ALX1: variants seen among roughly 807,000 people sequenced by gnomAD.
ALX1 encodes the protein ALX homeobox protein 1.
In ALX1, 19 loss-of-function variants were observed where a neutral mutation model predicts 31.7. The ratio of observed to expected loss-of-function variants is 0.60; its 90% CI spans 0.42 to 0.88. ALX1 has a LOEUF of 0.88. ALX1 is among the 40% of genes least tolerant of loss of function. The probability of loss-of-function intolerance (pLI) is 0.00; values close to 1 mark genes in which losing one functional copy is unlikely to be tolerated. For synonymous variants in ALX1, 153 were observed against 148.8 expected, an observed-to-expected ratio of 1.03 and a Z score of -0.20; for missense variants, 415 against 407.8, an observed-to-expected ratio of 1.02 and a Z score of -0.15.
At position 85,286,947 on chromosome 12, in the gene ALX1, T is replaced by C; in HGVS notation, c.626T>C (p.Ile209Thr). The change falls in exon 3 of 4, where the codon ATA becomes ACA. Residue 209 changes from isoleucine to threonine, a missense_variant. This residue lies in a region of ALX1 where 174 missense variants were observed against 177.5 expected (regional missense o/e 0.98). Coordinates refer to ENST00000316824, the MANE Select transcript of ALX1 (RefSeq NM_006982.3). Reference protein sequence around the residue: ...AKSHFAATYDISVLPRTDSYP... With the variant: ...AKSHFAATYDTSVLPRTDSYP... ...AGCCATTTTGCTGCCACCTATGATA[T>C]ATCAGTTTTGCCAAGGACTGACAGC... is the stretch of plus-strand genomic sequence containing the variant. 6.2e-7 allele frequency: 1 copy of C among 1,612,220 alleles called. No individual in the cohort carries two copies. The highest frequency in any genetic ancestry group is 8.5e-7 in the Non-Finnish European group (1 of 1,178,596).
At chr12:85,280,549 C>T (rs1226665805) in intron 1 of ALX1, 62 bp downstream of exon 1, 3 of 1,548,432 alleles carry the variant, frequency 1.9e-6, no homozygotes, top group Non-Finnish European at 2.6e-6. Context: ...AATGCAGGAT[C>T]GGTCTGATCA....
Position 85,286,992 on chromosome 12 carries a change from C to T in ALX1, c.660+11C>T, listed in dbSNP as rs754715521. The T allele has an allele frequency of 6.2e-7, 1 of 1,611,440 alleles. No individual in the cohort carries two copies. The highest frequency in any genetic ancestry group is 1.7e-5 in the Admixed American group (1 of 59,940). On this transcript the variant is annotated intron_variant, in intron 3 of 3. Coordinates refer to ENST00000316824, the MANE Select transcript of ALX1 (RefSeq NM_006982.3). ...GACAGCTACCCACAGGTATGCTAAA[C>T]TACACAGAATACTGATCAAGAAAAG... is the stretch of plus-strand genomic sequence containing the variant.
intron 3 of ALX1, among the ~76,000 whole-genome samples, chr12:85,291,078 C>T (rs983159810): frequency 6.6e-6 from 1 of 150,990 alleles, no homozygotes; most frequent in Non-Finnish European, 1.5e-5. Context: ...CAAAAATAAT[C>T]AATTTTCAAT....
intron 2 of ALX1, among the ~76,000 whole-genome samples, chr12:85,285,631 T>A (rs930641274): frequency 6.6e-6 from 1 of 151,988 alleles, no homozygotes; most frequent in African/African-American, 2.4e-5. Context: ...TATTAATATG[T>A]TGCCATAATG....
At chr12:85,294,580 A>T (rs2137389334) in intron 3 of ALX1, among the ~76,000 whole-genome samples, 1 of 151,312 alleles carries the variant, frequency 6.6e-6, no homozygotes, top group South Asian at 2.1e-4. Flanking sequence ...TTGGACTTGG[A>T]GCATTTTTCA....
chr12:85,295,101 ACT>A (rs1479151211), intron 3 of ALX1, among the ~76,000 whole-genome samples: 9 of 151,328 alleles, frequency 5.9e-5, no homozygotes, highest in African/African-American at 2.2e-4. Context: ...CCTAAAAAAT[ACT>A]CAGATTAATC....
intron 3 of ALX1, among the ~76,000 whole-genome samples, chr12:85,295,144 TC>T (rs1463409183): frequency 1.3e-5 from 2 of 151,290 alleles, no homozygotes; most frequent in Non-Finnish European, 3.0e-5. Flanking sequence ...CAAGTTGGGA[TC>T]TTTTTTTTTC....
At chr12:85,289,621 GAAT>G (rs1419661006) in intron 3 of ALX1, among the ~76,000 whole-genome samples, 1 of 151,136 alleles carries the variant, frequency 6.6e-6, no homozygotes, top group Non-Finnish European at 1.5e-5. Context: ...TGCCAATCAT[GAAT>G]AATAATAAAA....
At chr12:85,297,659 T>C (rs954034030) in intron 3 of ALX1, among the ~76,000 whole-genome samples, 1 of 151,574 alleles carries the variant, frequency 6.6e-6, no homozygotes. Flanking sequence ...ACTCCAGTAG[T>C]GTTTCCTAAT....
chr12:85,295,297 T>C (rs1309791956), intron 3 of ALX1, among the ~76,000 whole-genome samples: 1 of 151,472 alleles, frequency 6.6e-6, no homozygotes, highest in Non-Finnish European at 1.5e-5. Flanking sequence ...AGTCAATAGC[T>C]AAAAATATCT....
chr12:85,297,092 A>G (rs143965662), intron 3 of ALX1, among the ~76,000 whole-genome samples: 151 of 151,778 alleles, frequency 9.9e-4, no homozygotes, highest in Middle Eastern at 6.8e-3. Flanking sequence ...ATATGAGAAT[A>G]TATTGGTGTA....
At position 85,283,824 on chromosome 12, in the gene ALX1, A is replaced by G; in HGVS notation, c.479A>G (p.Tyr160Cys). 2 of 1,614,150 alleles carry G rather than the reference A, an allele frequency of 1.2e-6. No individual in the cohort carries two copies. The highest frequency in any genetic ancestry group is 1.3e-5 in the African/African-American group (1 of 75,058). The part of the protein sequence containing the change: ...VFQKTHYPDV[Y>C]VREQLALRTE... ...CAGAAAACTCATTACCCGGATGTGTATGTCAGAGAACAGCTTGCTCTGAGG... is the reference window on the plus strand; with the variant it reads ...CAGAAAACTCATTACCCGGATGTGTGTGTCAGAGAACAGCTTGCTCTGAGG... The change falls in exon 2 of 4, where the codon TAT becomes TGT. Residue 160 changes from tyrosine to cysteine, a missense_variant. Physicochemically the swap from Tyr to Cys is radical, Grantham distance 194. This residue lies in a region of ALX1 where 235 missense variants were observed against 208.9 expected (regional missense o/e 1.13). Coordinates refer to ENST00000316824, the MANE Select transcript of ALX1 (RefSeq NM_006982.3).
At chr12:85,288,528 A>G (rs1472931382) in intron 3 of ALX1, among the ~76,000 whole-genome samples, 1 of 151,326 alleles carries the variant, frequency 6.6e-6, no homozygotes, top group Non-Finnish European at 1.5e-5. Context: ...AATTCTGTAA[A>G]AATCTTTCCC....
At chr12:85,290,746 A>G (rs1040882409) in intron 3 of ALX1, among the ~76,000 whole-genome samples, 2 of 151,036 alleles carry the variant, frequency 1.3e-5, no homozygotes, top group Non-Finnish European at 3.0e-5. Flanking sequence ...TTTTGAAAGC[A>G]TTCTCATTGC....
At chr12:85,297,109 G>C (rs973106312) in intron 3 of ALX1, among the ~76,000 whole-genome samples, 2 of 151,666 alleles carry the variant, frequency 1.3e-5, no homozygotes, top group South Asian at 4.1e-4. Flanking sequence ...TGTAGGGATG[G>C]AGGAACAGTG....
rs377370627 is a variant in ALX1, at chr12:85,288,431, G to A, written c.660+1450G>A. ...TCTGGTGGTTACTTACCATCATAGG[G>A]CTAGTCAAATTTTGTTTGCCAAATA... On this transcript the variant is annotated intron_variant, in intron 3 of 3. Transcript: ENST00000316824. Among the ~76,000 whole-genome samples, 463 of 151,496 alleles carry A rather than the reference G, an allele frequency of 3.1e-3. 4 individuals carry two copies. Among genetic ancestry groups the A allele is most frequent in the African/African-American group, 0.01 (432 of 41,416 alleles).
intron 3 of ALX1, among the ~76,000 whole-genome samples, chr12:85,300,523 T>C (rs961747516): frequency 6.6e-6 from 1 of 152,110 alleles, no homozygotes; most frequent in Non-Finnish European, 1.5e-5. Flanking sequence ...CATTATATCA[T>C]ACATAAATCA....
Position 85,280,266 on chromosome 12 carries a change from A to C in ALX1, c.5A>C (p.Glu2Ala). 6.2e-7 allele frequency: 1 copy of C among 1,610,316 alleles called. No individual in the cohort carries two copies. Among genetic ancestry groups the C allele is most frequent in the Non-Finnish European group, 8.5e-7 (1 of 1,178,550 alleles). ...ACGCGACAGTCTTCCAGGATTATGG[A>C]GTTTCTGAGCGAGAAGTTTGCCCTC... MEFLSEKFALKS... is the reference protein window; with the variant it reads MAFLSEKFALKS... Residue 2 changes from glutamate (E) to alanine (A), a missense_variant, in exon 1 of 4, where the codon GAG becomes GCG. Coordinates refer to ENST00000316824, the MANE Select transcript of ALX1 (RefSeq NM_006982.3).
At chr12:85,281,690 T>C (rs1896676526) in intron 1 of ALX1, among the ~76,000 whole-genome samples, 1 of 152,234 alleles carries the variant, frequency 6.6e-6, no homozygotes, top group South Asian at 2.1e-4. Context: ...GAGAAAATAA[T>C]CAGCTAAGTC....
Sources: gnomAD v4.1 joint callset for allele counts (sites outside exome capture counted in the v4.1 genomes callset) on GRCh38, gnomAD v4.1.1 for gene constraint, gnomAD v4.1.1 regional missense constraint, MANE v1.5 for transcripts, NCBI Gene and HGNC (gene_info 2026-07-23, HGNC 2026-07-21) for gene names.